Variants in UNC50 observed in about 807,000 individuals in gnomAD.
The protein encoded by UNC50 is protein unc-50 homolog.
Under a neutral mutation model 31.5 loss-of-function variants are expected in UNC50, and 24 were observed. That is an observed-to-expected ratio of 0.76 (90% CI 0.55 to 1.07). The LOEUF (loss-of-function observed/expected upper bound fraction) is 1.07. Ranked by LOEUF, UNC50 falls within the 50% of genes least tolerant of loss-of-function variation. The pLI, the probability that UNC50 is intolerant of heterozygous loss-of-function variation, is 0.00. For missense variants in UNC50, 245 were observed against 304.2 expected (o/e 0.81, Z 1.45); for synonymous variants, 118 against 114.7 (o/e 1.03, Z -0.18).
In UNC50 at chr2:98,618,476, TTAAA is replaced by T; in HGVS notation, c.*174_*177del. 1 of 481,162 alleles carries T rather than the reference TTAAA, an allele frequency of 2.1e-6. No individual in the cohort carries two copies. Among genetic ancestry groups the T allele is most frequent in the Non-Finnish European group, 3.3e-6 (1 of 301,326 alleles). The allele number at this position is 481,162 out of a possible 1,614,324, so 29.8% of individuals were successfully genotyped here. On this transcript the variant is annotated 3_prime_UTR_variant, in exon 6 of 6. Transcript: ENST00000357765. ...GGTCAGGTACATTCCTTAAAACTAA[TTAAA>T]TGTACATTTCTATAATAAATATTTT...
At chr2:98,614,861 G>A (rs1345215625) in intron 3 of UNC50, among the ~76,000 whole-genome samples, 1 of 152,072 alleles carries the variant, frequency 6.6e-6, no homozygotes, top group Non-Finnish European at 1.5e-5. Context: ...CATTAGTATT[G>A]TACCTCTGTT....
rs144082359 is a variant in UNC50 at position 98,609,988 on chromosome 2, T to C, written c.229T>C (p.Trp77Arg). ...TTATCGAAAACAGACGAAGGACCAG[T>C]GGGCCAGAGATGACCCTGCTTTCTT... ...FHYRKQTKDQ[W>R]ARDDPAFLVL... The change falls in exon 2 of 6, where the codon TGG becomes CGG. Residue 77 changes from tryptophan (W) to arginine (R), a missense_variant. Transcript: ENST00000357765. 11 of 1,614,138 alleles carry C rather than the reference T, an allele frequency of 6.8e-6. No homozygotes were observed. Among genetic ancestry groups the C allele is most frequent in the Non-Finnish European group, 8.5e-6 (10 of 1,180,048 alleles).
chr2:98,616,746 A>G (rs965738219), intron 5 of UNC50, among the ~76,000 whole-genome samples: 3 of 152,220 alleles, frequency 2.0e-5, no homozygotes, highest in African/African-American at 7.2e-5. Flanking sequence ...CAACTTACCC[A>G]TGGTCATGCA....
Position 98,618,502 on chromosome 2 carries a change from T to G in UNC50, c.*198T>G. 1 of 420,762 alleles carries G rather than the reference T, an allele frequency of 2.4e-6. No homozygotes were observed. The highest frequency in any genetic ancestry group is 3.9e-6 in the Non-Finnish European group (1 of 256,102). 26.1% of individuals were successfully genotyped at this position (420,762 alleles called of 1,614,324 possible). ...TAAATGTACATTTCTATAATAAATA[T>G]TTTTTAAACTAAAGCATGTGTGTTC... On this transcript the variant is annotated 3_prime_UTR_variant, in exon 6 of 6. Transcript: ENST00000357765.
intron 3 of UNC50, among the ~76,000 whole-genome samples, chr2:98,615,559 G>T (rs752022374): frequency 6.6e-6 from 1 of 152,006 alleles, no homozygotes; most frequent in Non-Finnish European, 1.5e-5. Context: ...TCAGAGTATC[G>T]TGTGTGCCAC....
At position 98,618,089 on chromosome 2, in the gene UNC50, G is replaced by GCTGT. The variant is rs1340200152; in HGVS notation, c.644-76_644-73dup. ...CCTTCCACCCCACATGTTGAAGTAAGCTGTCTTTCAAAATGTTCATTTATT... is the reference window on the plus strand; with the variant it reads ...CCTTCCACCCCACATGTTGAAGTAAGCTGTCTGTCTTTCAAAATGTTCATTTATT... On this transcript the variant is annotated intron_variant, in intron 5 of 5. Coordinates refer to ENST00000357765, the MANE Select transcript of UNC50 (RefSeq NM_014044.7). The GCTGT allele has an allele frequency of 9.5e-6, 13 of 1,369,552 alleles. No homozygotes were observed. In the Admixed American group the frequency reaches 2.2e-4, roughly 23 times the overall value. The allele number at this position is 1,369,552 out of a possible 1,614,324, so 84.8% of individuals were successfully genotyped here.
chr2:98,618,354 G>C lies in UNC50; in HGVS notation c.*50G>C, dbSNP rs1201529232. The C allele has an allele frequency of 6.7e-7, 1 of 1,503,078 alleles. No homozygotes were observed. Among genetic ancestry groups the C allele is most frequent in the African/African-American group, 1.4e-5 (1 of 70,674 alleles). 93.1% of individuals were successfully genotyped at this position (1,503,078 alleles called of 1,614,324 possible). On this transcript the variant is annotated 3_prime_UTR_variant, in exon 6 of 6. Coordinates refer to ENST00000357765, the MANE Select transcript of UNC50 (RefSeq NM_014044.7). Reference sequence around the variant, plus strand: ...AACTGTGTCAACAGTATTGTGAAGTGATCATTTCTTGTAAAACTTGTAAAT... The same window carrying C: ...AACTGTGTCAACAGTATTGTGAAGTCATCATTTCTTGTAAAACTTGTAAAT...
At chr2:98,616,092 CTGT>C (rs1371089694) in intron 3 of UNC50, 112 bp from the exon 4 acceptor site, 1 of 1,005,904 alleles carries the variant, frequency 9.9e-7, no homozygotes, top group African/African-American at 1.6e-5. Context: ...GGATTTTTGT[CTGT>C]TTTGTTTACT....
chr2:98,618,357 C>G lies in UNC50; in HGVS notation c.*53C>G. 6.7e-7 allele frequency: 1 copy of G among 1,499,372 alleles called. No individual in the cohort carries two copies. The highest frequency in any genetic ancestry group is 8.9e-7 in the Non-Finnish European group (1 of 1,123,668). The allele number at this position is 1,499,372 out of a possible 1,614,324, so 92.9% of individuals were successfully genotyped here. On this transcript the variant is annotated 3_prime_UTR_variant, in exon 6 of 6. Coordinates refer to ENST00000357765, the MANE Select transcript of UNC50 (RefSeq NM_014044.7). ...TGTGTCAACAGTATTGTGAAGTGATCATTTCTTGTAAAACTTGTAAATAAA... is the reference window on the plus strand; with the variant it reads ...TGTGTCAACAGTATTGTGAAGTGATGATTTCTTGTAAAACTTGTAAATAAA...
intron 1 of UNC50, chr2:98,609,478 A>G (rs2104170104): frequency 3.8e-6 from 2 of 521,690 alleles, no homozygotes; most frequent in South Asian, 2.3e-5. Context: ...GGGCAGTCAC[A>G]TCATCCCTGT....
chr2:98,610,735 A>T (rs1403694004), intron 2 of UNC50, 40 bp from the exon 3 acceptor site: 1 of 1,609,908 alleles, frequency 6.2e-7, no homozygotes, highest in African/African-American at 1.3e-5. Context: ...TCCAGAACCT[A>T]GCAGAGTCCC....
At chr2:98,616,371 T>C (rs778250455) in intron 4 of UNC50, 25 bp downstream of exon 4, 3 of 1,613,922 alleles carry the variant, frequency 1.9e-6, no homozygotes, top group Non-Finnish European at 1.7e-6. Context: ...ATTAGAGTAT[T>C]ATCCAAGTCT....
rs1056933670 is a variant in UNC50, at chr2:98,609,892, G to A, written c.133G>A (p.Asp45Asn). 1 of 1,614,050 alleles carries A rather than the reference G, an allele frequency of 6.2e-7. No homozygotes were observed. The highest frequency in any genetic ancestry group is 8.5e-7 in the Non-Finnish European group (1 of 1,180,034). Residue 45 changes from aspartate (D) to asparagine (N), a missense_variant, in exon 2 of 6, where the codon GAC becomes AAC. Coordinates refer to ENST00000357765, the MANE Select transcript of UNC50 (RefSeq NM_014044.7). ...LRRLFRFRQM[D>N]FEFAAWQMLY... ...AAGGCTTTTCCGCTTTCGGCAAATG[G>A]ACTTTGAATTTGCTGCCTGGCAGAT...
In UNC50 at chr2:98,610,762, ATCTT is replaced by A; in HGVS notation, c.281-6_281-3del. 1 of 1,612,788 alleles carries A rather than the reference ATCTT, an allele frequency of 6.2e-7. No homozygotes were observed. Among genetic ancestry groups the A allele is most frequent in the Non-Finnish European group, 8.5e-7 (1 of 1,179,554 alleles). On this transcript the variant is annotated splice_polypyrimidine_tract_variant and intron_variant, in intron 2 of 5. Transcript: ENST00000357765. ...CAGAGTCCCTAAATGAATCTTGTGA[ATCTT>A]TCTTTCAGTGTCCACTATAGGATTT...
intron 3 of UNC50, among the ~76,000 whole-genome samples, chr2:98,612,602 G>T (rs953924206): frequency 7.2e-5 from 11 of 152,134 alleles, no homozygotes; most frequent in African/African-American, 2.7e-4. Context: ...TAGAGACAGG[G>T]TTTTGCCATT....
At chr2:98,613,506 G>C (rs1700871259) in intron 3 of UNC50, among the ~76,000 whole-genome samples, 1 of 152,244 alleles carries the variant, frequency 6.6e-6, no homozygotes, top group South Asian at 2.1e-4. Context: ...CTTCCTCACA[G>C]GGTGGCGGGA....
intron 3 of UNC50, among the ~76,000 whole-genome samples, chr2:98,613,326 A>C (rs1700867133): frequency 6.6e-6 from 1 of 152,276 alleles, no homozygotes; most frequent in Admixed American, 6.5e-5. Context: ...CCCTGAATGC[A>C]GTAATTCTGG....
chr2:98,610,622 G>C (rs932105209), intron 2 of UNC50, among the ~76,000 whole-genome samples, 153 bp from the exon 3 acceptor site: 2 of 152,180 alleles, frequency 1.3e-5, no homozygotes, highest in Non-Finnish European at 2.9e-5. Context: ...CAGTGGCCAC[G>C]CTGTGTCCCA....
chr2:98,608,981 C>A (rs1349510724), intron 1 of UNC50: 2 of 164,644 alleles, frequency 1.2e-5, no homozygotes. Context: ...AAACCTTATT[C>A]GTGGCCTGTC....
Sources: gnomAD v4.1 joint callset for allele counts (sites outside exome capture counted in the v4.1 genomes callset) on GRCh38, gnomAD v4.1.1 for gene constraint, MANE v1.5 for transcripts, NCBI Gene and HGNC (gene_info 2026-07-23, HGNC 2026-07-21) for gene names.